Variants in RBM33 observed in about 807,000 individuals in gnomAD.
RBM33 encodes the protein RNA-binding protein 33.
Under a neutral mutation model 132.6 loss-of-function variants are expected in RBM33, and 28 were observed. The observed-to-expected ratio is 0.21, with a 90% CI of 0.16 to 0.29. The LOEUF (loss-of-function observed/expected upper bound fraction) is 0.29. RBM33 is among the 10% of genes least tolerant of loss of function. The pLI is 1.00. For missense variants in RBM33, 1,291 were observed against 1,518.5 expected (o/e 0.85, Z 2.49); for synonymous variants, 634 against 593.0 (o/e 1.07, Z -1.01).
At chr7:155,744,169 T>C (rs773906685) in intron 13 of RBM33, among the ~76,000 whole-genome samples, 1 of 152,238 alleles carries the variant, frequency 6.6e-6, no homozygotes, top group Non-Finnish European at 1.5e-5. Context: ...GAATTCTAGA[T>C]AGATTAAATC....
At chr7:155,680,539 G>C in intron 4 of RBM33, 51 bp from the exon 5 acceptor site, 1 of 1,268,848 alleles carries the variant, frequency 7.9e-7, no homozygotes, top group Non-Finnish European at 1.1e-6. Flanking sequence ...GATTTAGTTT[G>C]AGCTCCTCTC....
intron 15 of RBM33, 49 bp downstream of exon 15, chr7:155,764,067 T>C: frequency 7.1e-7 from 1 of 1,409,758 alleles, no homozygotes. Context: ...AAGGCCGGTG[T>C]GAGGCAGTGT....
intron 9 of RBM33, among the ~76,000 whole-genome samples, chr7:155,718,891 C>G (rs1264842997): frequency 6.6e-6 from 1 of 152,034 alleles, no homozygotes; most frequent in Non-Finnish European, 1.5e-5. Context: ...ATGAGCCACT[C>G]ATTTTATATT....
At chr7:155,756,457 A>G (rs1015861253) in intron 14 of RBM33, among the ~76,000 whole-genome samples, 1 of 152,244 alleles carries the variant, frequency 6.6e-6, no homozygotes, top group African/African-American at 2.4e-5. Flanking sequence ...GTACTACAAC[A>G]TACTAAAATC....
At chr7:155,650,869 T>A (rs942888924) in intron 1 of RBM33, among the ~76,000 whole-genome samples, 31 of 152,148 alleles carry the variant, frequency 2.0e-4, no homozygotes, top group African/African-American at 7.5e-4. Context: ...TTCTTTTTGT[T>A]GTTGTTGTTG....
At chr7:155,677,192 A>AT (rs1161579440) in intron 3 of RBM33, among the ~76,000 whole-genome samples, 3 of 149,218 alleles carry the variant, frequency 2.0e-5, no homozygotes, top group Non-Finnish European at 4.4e-5. Context: ...TTATATGGTC[A>AT]CCTAACGGAA....
chr7:155,766,457 T>G lies in RBM33; in HGVS notation c.3187-10T>G. 6.2e-7 allele frequency: 1 copy of G among 1,612,828 alleles called. No individual in the cohort carries two copies. Among genetic ancestry groups the G allele is most frequent in the Non-Finnish European group, 8.5e-7 (1 of 1,179,742 alleles). On this transcript the variant is annotated splice_polypyrimidine_tract_variant and intron_variant, in intron 15 of 17. Transcript: ENST00000401878. ...TGAAACTCTGAATGTATTTCCTTTG[T>G]TGTCACCAGGCCATCATGCACGGAC...
In RBM33 at chr7:155,725,367, T is replaced by G. The variant is rs567232440; in HGVS notation, c.1260+6924T>G. 3.8e-4 allele frequency among the ~76,000 whole-genome samples: 58 copies of G among 152,268 alleles called. 1 individual carries two copies. The South Asian group carries it at 0.012, about 30-fold the overall frequency. On this transcript the variant is annotated intron_variant, in intron 9 of 17. Transcript: ENST00000401878. ...AATTATTATTTTTTGTTTTAGAGAT[T>G]GGCAAGCTGACTTTTGGAAAGATCA... is the stretch of plus-strand genomic sequence containing the variant.
chr7:155,679,428 A>G (rs1563140678), intron 4 of RBM33, among the ~76,000 whole-genome samples: 2 of 152,284 alleles, frequency 1.3e-5, no homozygotes, highest in African/African-American at 4.8e-5. Context: ...GGGAGGTGCT[A>G]CTTTAGACTC....
chr7:155,665,784 T>C (rs1798785001), intron 2 of RBM33, among the ~76,000 whole-genome samples: 1 of 152,166 alleles, frequency 6.6e-6, no homozygotes, highest in Non-Finnish European at 1.5e-5. Flanking sequence ...TAGTTTGATA[T>C]AGTGGTTACC....
intron 3 of RBM33, 133 bp downstream of exon 3, chr7:155,673,048 T>G (rs1294341416): frequency 1.9e-6 from 1 of 513,584 alleles, no homozygotes; most frequent in Admixed American, 3.9e-5. Context: ...AACTGAATTA[T>G]TTTTTAAGTG....
chr7:155,684,969 G>T (rs1282884663), intron 5 of RBM33: 1 of 1,550,376 alleles, frequency 6.5e-7, no homozygotes, highest in Non-Finnish European at 8.7e-7. Context: ...TGGGCAACAA[G>T]GGCTGCAAGA....
At chr7:155,754,485 A>T (rs1801784120) in intron 14 of RBM33, among the ~76,000 whole-genome samples, 1 of 152,184 alleles carries the variant, frequency 6.6e-6, no homozygotes, top group Non-Finnish European at 1.5e-5. Flanking sequence ...GAAGAGCTAG[A>T]CTTCACACCC....
At chr7:155,653,399 G>A (rs1034389970) in intron 1 of RBM33, among the ~76,000 whole-genome samples, 1 of 151,842 alleles carries the variant, frequency 6.6e-6, no homozygotes, top group Admixed American at 6.6e-5. Context: ...ATTTTTTTCT[G>A]CCCAGGTTCC....
intron 6 of RBM33, among the ~76,000 whole-genome samples, chr7:155,705,578 G>A (rs1424630300): frequency 3.3e-5 from 5 of 152,186 alleles, no homozygotes; most frequent in African/African-American, 1.2e-4. Flanking sequence ...GGTAGACTCT[G>A]GTAATATTGA....
Position 155,678,652 on chromosome 7 carries a change from G to A in RBM33, c.216G>A (p.Leu72=). Residue 72 remains leucine (L), a synonymous_variant, in exon 4 of 18, where the codon TTG becomes TTA. Transcript: ENST00000401878. ...LSDEELNDDL[L]QSDNEDEENF... ...ATGAAGAGCTAAATGATGATCTTTT[G>A]CAGAGTGATAATGAAGATGAAGAAA... The A allele has an allele frequency of 6.3e-7, 1 of 1,582,262 alleles. No homozygotes were observed. Among genetic ancestry groups the A allele is most frequent in the Non-Finnish European group, 8.6e-7 (1 of 1,160,230 alleles).
chr7:155,713,565 C>T (rs1461986241), intron 8 of RBM33, among the ~76,000 whole-genome samples: 5 of 152,002 alleles, frequency 3.3e-5, no homozygotes, highest in South Asian at 2.1e-4. Flanking sequence ...CAGGTGGCCA[C>T]GGGCTGGCAG....
Position 155,779,080 on chromosome 7 carries a change from C to A in RBM33, c.*4039C>A, listed in dbSNP as rs898024279. Reference sequence around the variant, plus strand: ...GGCTTCCCGCTTTCGTGGTGCTCTTCCTGGGATTCGTTTTTTTATTACCCT... The same window carrying A: ...GGCTTCCCGCTTTCGTGGTGCTCTTACTGGGATTCGTTTTTTTATTACCCT... On this transcript the variant is annotated 3_prime_UTR_variant, in exon 18 of 18. Coordinates refer to ENST00000401878, the MANE Select transcript of RBM33 (RefSeq NM_053043.3). 10 of 152,096 alleles carry A rather than the reference C, an allele frequency of 6.6e-5. No individual in the cohort carries two copies. The highest frequency in any genetic ancestry group is 5.9e-4 in the Admixed American group (9 of 15,258). The allele number at this position is 152,096 out of a possible 1,614,324, so 9.4% of individuals were successfully genotyped here.
At position 155,771,408 on chromosome 7, in the gene RBM33, G is replaced by GT. The variant is rs1407948854; in HGVS notation, c.3376-3150dup. Among the ~76,000 whole-genome samples, 3 of 152,186 alleles carry GT rather than the reference G, an allele frequency of 2.0e-5. No individual in the cohort carries two copies. The East Asian group carries it at 5.8e-4, about 29-fold the overall frequency. ...TATTTCTGAAAGAAGGTACAAAAAT[G>GT]TAAGGAGAGAGGGTAGACAGGAAGC... On this transcript the variant is annotated intron_variant, in intron 16 of 17. Transcript: ENST00000401878.
Sources: allele counts gnomAD v4.1 joint callset (sites outside exome capture counted in the v4.1 genomes callset), GRCh38; gene constraint gnomAD v4.1.1; transcripts MANE v1.5; gene names NCBI Gene and HGNC (gene_info 2026-07-23, HGNC 2026-07-21).